CCM2: variants seen among roughly 807,000 people sequenced by gnomAD.
CCM2 encodes CCM2 scaffold protein.
Under a neutral mutation model 44.9 loss-of-function variants are expected in CCM2, and 25 were observed. The observed-to-expected ratio is 0.56, with a 90% CI of 0.41 to 0.78. The LOEUF is 0.78. Among genes scored for constraint, CCM2 ranks in the 30% least tolerant of loss-of-function variants. The pLI is 0.00. For missense variants in CCM2, 481 were observed against 580.6 expected (o/e 0.83, Z 1.76); for synonymous variants, 219 against 241.1 (o/e 0.91, Z 0.85).
At chr7:45,042,592 A>G (rs1427049550) in intron 2 of CCM2, among the ~76,000 whole-genome samples, 1 of 152,220 alleles carries the variant, frequency 6.6e-6, no homozygotes, top group Admixed American at 6.5e-5. Flanking sequence ...CTTGTTACAC[A>G]TAATGAGGAC....
At chr7:45,021,501 T>C in intron 1 of CCM2, among the ~76,000 whole-genome samples, 1 of 150,612 alleles carries the variant, frequency 6.6e-6, no homozygotes, top group Non-Finnish European at 1.5e-5. Flanking sequence ...GAAGGTAGAG[T>C]TGCAGTGAGC....
chr7:45,072,800 C>G lies in CCM2; in HGVS notation c.803+17C>G, dbSNP rs374335278. 1.8e-4 allele frequency: 289 copies of G among 1,606,848 alleles called. No homozygotes were observed. In the African/African-American group the frequency reaches 3.6e-3, roughly 20 times the overall value. On this transcript the variant is annotated intron_variant, in intron 7 of 9. Coordinates refer to ENST00000258781, the MANE Select transcript of CCM2 (RefSeq NM_031443.4). ...CAGCACTTTGTGAGTGCACATGCCA[C>G]CAAGCCCTGCGGTGGGACACGCACC...
intron 1 of CCM2, among the ~76,000 whole-genome samples, chr7:45,003,232 T>A (rs576309549): frequency 3.7e-4 from 57 of 152,192 alleles, no homozygotes; most frequent in Middle Eastern, 6.8e-3. Flanking sequence ...TGTGCCATCA[T>A]GCCCAGCTAA....
chr7:45,056,800 C>A (rs752504837), intron 2 of CCM2, among the ~76,000 whole-genome samples: 2 of 152,040 alleles, frequency 1.3e-5, no homozygotes, highest in Non-Finnish European at 2.9e-5. Flanking sequence ...TATTCTTTGG[C>A]GCACAAAAGT....
intron 2 of CCM2, among the ~76,000 whole-genome samples, chr7:45,062,246 T>TATTAA (rs1279985930): frequency 2.0e-5 from 3 of 152,184 alleles, no homozygotes; most frequent in Non-Finnish European, 4.4e-5. Context: ...AGAACTTAAC[T>TATTAA]GTGTGAGGTA....
chr7:45,012,072 G>A (rs1431810712), intron 1 of CCM2, among the ~76,000 whole-genome samples: 1 of 149,716 alleles, frequency 6.7e-6, no homozygotes, highest in African/African-American at 2.5e-5. Context: ...AGTTAGTTTT[G>A]GCTTCATGTA....
chr7:45,053,101 G>A (rs1299577485), intron 2 of CCM2, among the ~76,000 whole-genome samples: 1 of 152,196 alleles, frequency 6.6e-6, no homozygotes, highest in Non-Finnish European at 1.5e-5. Context: ...ACTCCCATAT[G>A]TTCCTACTCT....
intron 2 of CCM2, among the ~76,000 whole-genome samples, chr7:45,046,864 C>CT (rs1797779637): frequency 6.6e-6 from 1 of 152,112 alleles, no homozygotes; most frequent in Non-Finnish European, 1.5e-5. Context: ...ATAAAGAACT[C>CT]TCAAAACTCA....
intron 2 of CCM2, among the ~76,000 whole-genome samples, chr7:45,051,853 G>A (rs1583936699): frequency 6.8e-6 from 1 of 147,258 alleles, no homozygotes; most frequent in African/African-American, 2.5e-5. Flanking sequence ...GAGCCACTGC[G>A]CCCGGCCACG....
At chr7:45,051,871 A>T (rs564912507) in intron 2 of CCM2, among the ~76,000 whole-genome samples, 50 of 143,394 alleles carry the variant, frequency 3.5e-4, no homozygotes, top group Non-Finnish European at 6.7e-4. Flanking sequence ...ACGCCTGGCT[A>T]ATTTTTTGTA....
intron 4 of CCM2, among the ~76,000 whole-genome samples, chr7:45,065,771 A>C (rs918726186): frequency 6.6e-6 from 1 of 152,008 alleles, no homozygotes; most frequent in Non-Finnish European, 1.5e-5. Flanking sequence ...ACCCTCCCCA[A>C]CGCAGGCACA....
intron 1 of CCM2, among the ~76,000 whole-genome samples, chr7:45,015,270 C>T (rs1268636842): frequency 6.6e-6 from 1 of 152,068 alleles, no homozygotes; most frequent in African/African-American, 2.4e-5. Flanking sequence ...CTTGCTTTTC[C>T]AACAGTGAGA....
At chr7:45,041,387 T>C (rs547892336) in intron 2 of CCM2, among the ~76,000 whole-genome samples, 5 of 152,228 alleles carry the variant, frequency 3.3e-5, no homozygotes, top group African/African-American at 1.2e-4. Flanking sequence ...CTATATGCAA[T>C]AACGTAAGAA....
intron 1 of CCM2, among the ~76,000 whole-genome samples, chr7:45,009,312 A>AG (rs1795973163): frequency 1.7e-5 from 2 of 120,396 alleles, no homozygotes; most frequent in South Asian, 2.9e-4. Flanking sequence ...AAAAAAAAAA[A>AG]AAAAAAAAAA....
chr7:45,029,997 T>C (rs546126175), intron 1 of CCM2, among the ~76,000 whole-genome samples: 1 of 152,342 alleles, frequency 6.6e-6, no homozygotes, highest in South Asian at 2.1e-4. Flanking sequence ...ATATTCCATA[T>C]GGATGTCTTT....
intron 8 of CCM2, 21 bp downstream of exon 8, chr7:45,073,592 C>A (rs758394270): frequency 1.3e-6 from 2 of 1,544,712 alleles, no homozygotes; most frequent in Non-Finnish European, 1.8e-6. Flanking sequence ...GCTGCAGGGA[C>A]GCTGGGCTGC....
Position 45,076,186 on chromosome 7 carries a change from C to A in CCM2, c.*129C>A, listed in dbSNP as rs553486136. ...GAGAGGCGCCCGGTGCAGATGGCCC[C>A]GGGCGGCCCAGGTCCTCTACTGTGA... is the stretch of plus-strand genomic sequence containing the variant. On this transcript the variant is annotated 3_prime_UTR_variant, in exon 10 of 10. Transcript: ENST00000258781. The A allele has an allele frequency of 1.5e-6, 2 of 1,356,826 alleles. No individual in the cohort carries two copies. Among genetic ancestry groups the A allele is most frequent in the Admixed American group, 2.0e-5 (1 of 51,226 alleles). 84.0% of individuals were successfully genotyped at this position (1,356,826 alleles called of 1,614,324 possible).
intron 2 of CCM2, among the ~76,000 whole-genome samples, chr7:45,050,147 C>T (rs2128738900): frequency 6.6e-6 from 1 of 152,322 alleles, no homozygotes; most frequent in East Asian, 1.9e-4. Context: ...TATTTAGAGT[C>T]ACAAATACTT....
At chr7:45,053,542 C>T (rs1232663621) in intron 2 of CCM2, among the ~76,000 whole-genome samples, 2 of 152,180 alleles carry the variant, frequency 1.3e-5, no homozygotes, top group African/African-American at 2.4e-5. Flanking sequence ...TCCCAGGCTC[C>T]CCTGGCTACT....
Sources: gnomAD v4.1 joint callset for allele counts (sites outside exome capture counted in the v4.1 genomes callset) on GRCh38, gnomAD v4.1.1 for gene constraint, MANE v1.5 for transcripts, NCBI Gene and HGNC (gene_info 2026-07-23, HGNC 2026-07-21) for gene names.